GAL3ST2: variants seen among roughly 807,000 people sequenced by gnomAD.
The protein encoded by GAL3ST2 is beta-galactose-3-O-sulfotransferase 2.
GAL3ST2 carries 16 observed loss-of-function variants against 12.9 expected under a neutral mutation model. That is an observed-to-expected ratio of 1.24 (90% CI 0.84 to 1.88). The LOEUF (loss-of-function observed/expected upper bound fraction) is 1.88, where lower values mean the gene tolerates loss of function less well. GAL3ST2 is among the 40% of genes most tolerant of loss of function. The pLI, the probability that GAL3ST2 is intolerant of heterozygous loss-of-function variation, is 0.00. For missense variants in GAL3ST2, 639 were observed against 571.8 expected, an observed-to-expected ratio of 1.12 and a Z score of -1.20; for synonymous variants, 302 against 273.9, an observed-to-expected ratio of 1.10 and a Z score of -1.01.
chr2:241,793,666 G>A lies in GAL3ST2; in HGVS notation c.30-5399G>A, dbSNP rs1299540903. On this transcript the variant is annotated intron_variant, in intron 1 of 3. Transcript: ENST00000192314. The surrounding 1 kb of genome is among the most constrained non-coding windows in gnomAD (Gnocchi z 4.7). ...ACATATTGTGTATGCATATGTGTGT[G>A]TATGCACATATTGTGTATGTGTGTG... Among the ~76,000 whole-genome samples the A allele has an allele frequency of 6.6e-6, 1 of 151,088 alleles. No individual in the cohort carries two copies. The highest frequency in any genetic ancestry group is 1.5e-5 in the Non-Finnish European group (1 of 67,896).
In GAL3ST2 at chr2:241,803,351, A is replaced by G. The variant is rs922557666; in HGVS notation, c.382A>G (p.Lys128Glu). Residue 128 changes from lysine (K) to glutamate (E), a missense_variant, in exon 4 of 4, where the codon AAA becomes GAA. By Grantham distance (56) the Lys-to-Glu change is moderately conservative. Transcript: ENST00000192314. ...CCTCTCTGTCGCCACACAGGTGCAGAAAGTCATGCCCAACGACACCTTCTA... is the reference window on the plus strand; with the variant it reads ...CCTCTCTGTCGCCACACAGGTGCAGGAAGTCATGCCCAACGACACCTTCTA... ...HLRFNLPQVQ[K>E]VMPNDTFYFS... The G allele has an allele frequency of 1.8e-5, 28 of 1,596,732 alleles. No individual in the cohort carries two copies. The highest frequency in any genetic ancestry group is 2.4e-5 in the Non-Finnish European group (28 of 1,168,286).
At chr2:241,779,843 G>C (rs887887165) in intron 1 of GAL3ST2, among the ~76,000 whole-genome samples, 8 of 151,830 alleles carry the variant, frequency 5.3e-5, no homozygotes, top group Non-Finnish European at 1.2e-4. Flanking sequence ...AAAATTAGCC[G>C]GGCATGGTGG....
chr2:241,788,595 G>A (rs1251208985), intron 1 of GAL3ST2, among the ~76,000 whole-genome samples: 1 of 152,158 alleles, frequency 6.6e-6, no homozygotes, highest in Non-Finnish European at 1.5e-5. Context: ...AAAGAGAAAA[G>A]GTATCTGCTT....
rs926169992 is a variant in GAL3ST2, at chr2:241,788,931, GA to G, written c.30-10124del. Reference sequence around the variant, plus strand: ...GCCACAGCTCAGTTCCTCCTTTTAAGAAAAAAAAAAGTGGGAAACAAATAAT... The same window carrying G: ...GCCACAGCTCAGTTCCTCCTTTTAAGAAAAAAAAAGTGGGAAACAAATAAT... On this transcript the variant is annotated intron_variant, in intron 1 of 3. Transcript: ENST00000192314. Among the ~76,000 whole-genome samples, 168 of 146,998 alleles carry G rather than the reference GA, an allele frequency of 1.1e-3. 1 individual carries two copies. Among genetic ancestry groups the G allele is most frequent in the African/African-American group, 3.1e-3 (124 of 40,158 alleles).
intron 1 of GAL3ST2, among the ~76,000 whole-genome samples, chr2:241,782,187 C>T (rs193246377): frequency 3.9e-5 from 6 of 152,280 alleles, no homozygotes; most frequent in South Asian, 2.1e-4. Flanking sequence ...GTGTCTTTGA[C>T]GTTAATGATT....
Position 241,803,828 on chromosome 2 carries a change from A to C in GAL3ST2, c.859A>C (p.Asn287His). 6.7e-7 allele frequency: 1 copy of C among 1,488,414 alleles called. No individual in the cohort carries two copies. The highest frequency in any genetic ancestry group is 2.5e-5 in the Admixed American group (1 of 40,218). The allele number at this position is 1,488,414 out of a possible 1,614,324, so 92.2% of individuals were successfully genotyped here. A position where few individuals can be genotyped will look rare whatever the true frequency, so the allele number is the denominator to read the frequency against. The change falls in exon 4 of 4, where the codon AAC (asparagine) becomes CAC (histidine). Residue 287 changes from asparagine to histidine, a missense_variant. Coordinates refer to ENST00000192314, the MANE Select transcript of GAL3ST2 (RefSeq NM_022134.3). ...ALDWRLYEHFNRTLWAQLRAE... is the reference protein window; with the variant it reads ...ALDWRLYEHFHRTLWAQLRAE... ...GGACTGGCGCCTGTACGAGCATTTC[A>C]ACCGCACCCTCTGGGCGCAGCTGCG...
At chr2:241,794,675 C>A (rs1359837090) in intron 1 of GAL3ST2, among the ~76,000 whole-genome samples, 1 of 152,192 alleles carries the variant, frequency 6.6e-6, no homozygotes, top group East Asian at 1.9e-4. Context: ...AACGACTGAG[C>A]TACTCTGGCA....
chr2:241,793,005 G>C lies in GAL3ST2; in HGVS notation c.30-6060G>C, dbSNP rs542342954. On this transcript the variant is annotated intron_variant, in intron 1 of 3. Coordinates refer to ENST00000192314, the MANE Select transcript of GAL3ST2 (RefSeq NM_022134.3). The surrounding 1 kb of genome is among the most constrained non-coding windows in gnomAD (Gnocchi z 4.7). ...CTTGGAGTCTTCCTGCCTTTGCTTC[G>C]AGCCATCCTGCCTCTCCAGACCGAA... 6.6e-6 allele frequency among the ~76,000 whole-genome samples: 1 copy of C among 152,018 alleles called. No homozygotes were observed. Among genetic ancestry groups the C allele is most frequent in the Non-Finnish European group, 1.5e-5 (1 of 67,996 alleles).
chr2:241,803,533 C>T lies in GAL3ST2; in HGVS notation c.564C>T (p.Tyr188=). Reference sequence around the variant, plus strand: ...ACAGCCGCCACCTCAGGAACGTCTACGCCAAGAACAACATGTGGTTCGACT... The same window carrying T: ...ACAGCCGCCACCTCAGGAACGTCTATGCCAAGAACAACATGTGGTTCGACT... ...YNDSRHLRNV[Y]AKNNMWFDFG... is the part of the protein sequence containing the mutation. Residue 188 remains tyrosine (Y), a synonymous_variant, in exon 4 of 4, where the codon TAC becomes TAT. Coordinates refer to ENST00000192314, the MANE Select transcript of GAL3ST2 (RefSeq NM_022134.3). 6.2e-7 allele frequency: 1 copy of T among 1,610,168 alleles called. No individual in the cohort carries two copies. Among genetic ancestry groups the T allele is most frequent in the Non-Finnish European group, 8.5e-7 (1 of 1,178,590 alleles).
chr2:241,792,962 C>T (rs1389984009), intron 1 of GAL3ST2, among the ~76,000 whole-genome samples: 2 of 152,192 alleles, frequency 1.3e-5, no homozygotes, highest in African/African-American at 2.4e-5. Context: ...TGCCTGTGAC[C>T]TGGAAGTCCC....
Position 241,793,359 on chromosome 2 carries a change from TTGTG to T in GAL3ST2, c.30-5700_30-5697del, listed in dbSNP as rs370489717. ...ATGTATCTGTATGTATGTGTGTGTATTGTGTGTGTATGTATGTATTGTGTATGCA... is the reference window on the plus strand; with the variant it reads ...ATGTATCTGTATGTATGTGTGTGTATTGTGTATGTATGTATTGTGTATGCA... On this transcript the variant is annotated intron_variant, in intron 1 of 3. Transcript: ENST00000192314. This position sits in a 1 kb window ranked among gnomAD's most constrained non-coding sequence, Gnocchi z 4.7. 4.6e-4 allele frequency among the ~76,000 whole-genome samples: 70 copies of T among 152,040 alleles called. No homozygotes were observed. The highest frequency in any genetic ancestry group is 1.0e-3 in the African/African-American group (42 of 41,484).
At chr2:241,784,965 A>G (rs1699611070) in intron 1 of GAL3ST2, among the ~76,000 whole-genome samples, 1 of 152,226 alleles carries the variant, frequency 6.6e-6, no homozygotes, top group Non-Finnish European at 1.5e-5. Flanking sequence ...AATTATAAAA[A>G]TCTACCATTG....
intron 1 of GAL3ST2, among the ~76,000 whole-genome samples, chr2:241,778,877 C>T (rs1035278411): frequency 9.2e-5 from 14 of 152,068 alleles, no homozygotes; most frequent in African/African-American, 3.1e-4. Context: ...AGGTAAGAGA[C>T]AAATGGTTGC....
chr2:241,777,040 C>G, intron 1 of GAL3ST2, 56 bp downstream of exon 1: 1 of 1,392,754 alleles, frequency 7.2e-7, no homozygotes, highest in Non-Finnish European at 9.5e-7. Flanking sequence ...TGTGGCTATT[C>G]TGAGAGACGG....
At chr2:241,784,029 T>C (rs1699597937) in intron 1 of GAL3ST2, among the ~76,000 whole-genome samples, 1 of 151,498 alleles carries the variant, frequency 6.6e-6, no homozygotes, top group African/African-American at 2.4e-5. Flanking sequence ...CAAATATTAA[T>C]GTCTTCTTTT....
At chr2:241,787,206 A>G (rs1424834381) in intron 1 of GAL3ST2, among the ~76,000 whole-genome samples, 1 of 152,194 alleles carries the variant, frequency 6.6e-6, no homozygotes, top group East Asian at 1.9e-4. Context: ...CAATGTATAC[A>G]TAAAAAAAAG....
chr2:241,790,369 G>T (rs894530205), intron 1 of GAL3ST2, among the ~76,000 whole-genome samples: 1 of 152,168 alleles, frequency 6.6e-6, no homozygotes, highest in Non-Finnish European at 1.5e-5. Context: ...AAATGTTGCT[G>T]ATTCTTTCTT....
At chr2:241,796,300 A>C (rs1300201211) in intron 1 of GAL3ST2, among the ~76,000 whole-genome samples, 4 of 151,938 alleles carry the variant, frequency 2.6e-5, no homozygotes, top group Non-Finnish European at 5.9e-5. Flanking sequence ...CAGCACCCCG[A>C]GTGTGGTCCC....
chr2:241,802,054 G>T lies in GAL3ST2; in HGVS notation c.375+18G>T, dbSNP rs754596883. 1.9e-6 allele frequency: 3 copies of T among 1,598,220 alleles called. No homozygotes were observed. Among genetic ancestry groups the T allele is most frequent in the Admixed American group, 3.5e-5 (2 of 57,910 alleles). The stretch of plus-strand genomic sequence containing the variant: ...TGCCTCAGGTACCGCGGGCCTGCTG[G>T]GGAGGAGGGCGGGCTGCAGCCGTGC... On this transcript the variant is annotated intron_variant, in intron 3 of 3. Coordinates refer to ENST00000192314, the MANE Select transcript of GAL3ST2 (RefSeq NM_022134.3). This position sits in a 1 kb window ranked among gnomAD's most constrained non-coding sequence, Gnocchi z 4.8.
Sources: gnomAD v4.1 joint callset for allele counts (sites outside exome capture counted in the v4.1 genomes callset) on GRCh38, gnomAD v4.1.1 for gene constraint, Gnocchi (gnomAD v3.1) non-coding constraint, MANE v1.5 for transcripts, NCBI Gene and HGNC (gene_info 2026-07-23, HGNC 2026-07-21) for gene names.